Variants in NOTCH2NLC observed in about 807,000 individuals in gnomAD.
NOTCH2NLC encodes notch 2 N-terminal like C, also known as notch homolog 2 N-terminal-like protein C.
A neutral mutation model predicts 17.7 loss-of-function variants in NOTCH2NLC; 4 were observed. The ratio of observed to expected loss-of-function variants is 0.23; its 90% CI spans 0.11 to 0.52. NOTCH2NLC has a LOEUF of 0.52. Ranked by LOEUF, NOTCH2NLC falls within the 20% of genes least tolerant of loss-of-function variation. The pLI is 0.96. For missense variants in NOTCH2NLC, 57 were observed against 207.2 expected (o/e 0.28, Z 4.45); for synonymous variants, 18 against 86.0 (o/e 0.21, Z 4.38).
chr1:149,394,383 A>G (rs1329819493), intron 1 of NOTCH2NLC, among the ~76,000 whole-genome samples: 1 of 151,194 alleles, frequency 6.6e-6, no homozygotes, highest in Non-Finnish European at 1.5e-5. Context: ...TCCAGTGTTT[A>G]ACACTTCTGA....
At chr1:149,414,559 G>C (rs1191761670) in intron 1 of NOTCH2NLC, among the ~76,000 whole-genome samples, 1,974 of 150,656 alleles carry the variant, frequency 0.013, 48 homozygotes, top group South Asian at 0.026. Context: ...AGCATGAACG[G>C]TTCCTCAAGT....
chr1:149,437,094 G>A (rs1399525127), intron 2 of NOTCH2NLC, among the ~76,000 whole-genome samples: 3 of 133,574 alleles, frequency 2.2e-5, no homozygotes, highest in African/African-American at 5.7e-5. Context: ...TCATTAACTT[G>A]GGCTTCTTAG....
At chr1:149,458,167 GAAATA>G (rs2084623893) in intron 3 of NOTCH2NLC, among the ~76,000 whole-genome samples, 3 of 110,934 alleles carry the variant, frequency 2.7e-5, no homozygotes, top group African/African-American at 9.2e-5. Flanking sequence ...AAGGAGAAAG[GAAATA>G]AAATGAAGAT....
intron 1 of NOTCH2NLC, among the ~76,000 whole-genome samples, chr1:149,398,706 G>A (rs1291943373): frequency 2.0e-5 from 3 of 151,086 alleles, no homozygotes; most frequent in Admixed American, 6.6e-5. Flanking sequence ...ATGGTACCCC[G>A]GGTCCTCTGG....
Position 149,454,524 on chromosome 1 carries a change from AT to A in NOTCH2NLC, c.210-793del, listed in dbSNP as rs1422587445. Among the ~76,000 whole-genome samples, 12 of 148,496 alleles carry A rather than the reference AT, an allele frequency of 8.1e-5. 1 individual carries two copies. Among genetic ancestry groups the A allele is most frequent in the Non-Finnish European group, 1.3e-4 (9 of 66,728 alleles). ...TCCTCAGTGCCTCAATGTGGAAAAT[AT>A]CATAGAATGTTATTCTTCAATTGAT... On this transcript the variant is annotated intron_variant, in intron 2 of 4. Transcript: ENST00000650865.
chr1:149,424,268 A>G (rs1170144737), intron 1 of NOTCH2NLC, among the ~76,000 whole-genome samples: 2 of 151,332 alleles, frequency 1.3e-5, no homozygotes, highest in Admixed American at 1.3e-4. Flanking sequence ...CTAAACATCA[A>G]GGGTTCCTAT....
chr1:149,395,611 C>A lies in NOTCH2NLC; in HGVS notation c.135+4689C>A, dbSNP rs1471304514. Among the ~76,000 whole-genome samples the A allele has an allele frequency of 2.7e-5, 4 of 148,798 alleles. 1 individual carries two copies. Among genetic ancestry groups the A allele is most frequent in the African/African-American group, 9.9e-5 (4 of 40,452 alleles). The stretch of plus-strand genomic sequence containing the variant: ...TACTGTATTACTAGGCCAGCAATTT[C>A]TGTTATTTTGTCCAGAATAGCCACA... On this transcript the variant is annotated intron_variant, in intron 1 of 4. Transcript: ENST00000650865.
intron 1 of NOTCH2NLC, among the ~76,000 whole-genome samples, chr1:149,411,481 CTTTG>C (rs2084298247): frequency 7.4e-6 from 1 of 135,812 alleles, no homozygotes; most frequent in Non-Finnish European, 1.6e-5. Context: ...AGCAAAACCC[CTTTG>C]TTTGTAGAAT....
rs2084641967 is a variant in NOTCH2NLC, at chr1:149,460,860, TTTCTTTCTTTCTTTC to T, written c.470-2628_470-2614del. On this transcript the variant is annotated intron_variant, in intron 3 of 4. Transcript: ENST00000650865. ...GATTCTTTCTTTCTTTCTCCCTTTC[TTTCTTTCTTTCTTTC>T]TTTCTTTCTTTCTTTCTTTCTTTCT... Among the ~76,000 whole-genome samples, 2 of 2,694 alleles carry T rather than the reference TTTCTTTCTTTCTTTC, an allele frequency of 7.4e-4. 1 individual carries two copies. Among genetic ancestry groups the T allele is most frequent in the Non-Finnish European group, 1.8e-3 (2 of 1,124 alleles). The allele number at this position is 2,694 out of a possible 152,430, so 1.8% of individuals were successfully genotyped here. A position where few individuals can be genotyped will look rare whatever the true frequency, so the allele number is the denominator to read the frequency against.
chr1:149,420,168 C>G (rs1358439928), intron 1 of NOTCH2NLC, among the ~76,000 whole-genome samples: 1 of 150,204 alleles, frequency 6.7e-6, no homozygotes, highest in African/African-American at 2.4e-5. Context: ...CCGTGCCTGG[C>G]CGTTTAGGGC....
intron 1 of NOTCH2NLC, among the ~76,000 whole-genome samples, chr1:149,391,725 A>ATTTGC (rs1188628567): frequency 7.1e-6 from 1 of 141,724 alleles, no homozygotes; most frequent in Admixed American, 7.0e-5. Context: ...TGGCAGCAGC[A>ATTTGC]TTTGCTGCTC....
At position 149,418,975 on chromosome 1, in the gene NOTCH2NLC, TTCTC is replaced by T. The variant is rs1207363637; in HGVS notation, c.136-11960_136-11957del. The stretch of plus-strand genomic sequence containing the variant: ...TTTCTTTCCTTTTCTTTCCTTTCCT[TTCTC>T]TCTCTCCTTTCTTTCTTTTGCTTCC... On this transcript the variant is annotated intron_variant, in intron 1 of 4. Coordinates refer to ENST00000650865, the MANE Select transcript of NOTCH2NLC (RefSeq NM_001364013.2). Among the ~76,000 whole-genome samples, 17 of 150,936 alleles carry T rather than the reference TTCTC, an allele frequency of 1.1e-4. No individual in the cohort carries two copies. The East Asian group carries it at 1.2e-3, about 10-fold the overall frequency.
chr1:149,449,283 A>C (rs1391195506), intron 2 of NOTCH2NLC, among the ~76,000 whole-genome samples: 3 of 150,704 alleles, frequency 2.0e-5, no homozygotes, highest in Non-Finnish European at 4.4e-5. Context: ...AATAGCTATC[A>C]AATGCTTAGC....
At chr1:149,445,743 C>CT (rs1189495356) in intron 2 of NOTCH2NLC, among the ~76,000 whole-genome samples, 2 of 149,160 alleles carry the variant, frequency 1.3e-5, no homozygotes, top group Admixed American at 6.7e-5. Context: ...CCACATGAGA[C>CT]TTTTTTTTCC....
intron 1 of NOTCH2NLC, among the ~76,000 whole-genome samples, chr1:149,424,431 A>G (rs1303789487): frequency 9.3e-5 from 14 of 150,562 alleles, no homozygotes; most frequent in African/African-American, 3.4e-4. Context: ...CCAACTTCTC[A>G]TTAGATTGTA....
intron 3 of NOTCH2NLC, among the ~76,000 whole-genome samples, chr1:149,457,683 G>T (rs1186148218): frequency 1.4e-5 from 2 of 148,018 alleles, no homozygotes; most frequent in Non-Finnish European, 3.0e-5. Context: ...ATATTTGAGG[G>T]CAGGAAACAT....
chr1:149,445,901 TAAAAA>T (rs1182076544), intron 2 of NOTCH2NLC, among the ~76,000 whole-genome samples: 13 of 72,618 alleles, frequency 1.8e-4, no homozygotes, highest in African/African-American at 4.9e-4. Flanking sequence ...ATCCTCGTTT[TAAAAA>T]AAAAAAAAAA....
intron 2 of NOTCH2NLC, among the ~76,000 whole-genome samples, chr1:149,443,521 G>C (rs2084532704): frequency 1.3e-5 from 2 of 149,914 alleles, no homozygotes; most frequent in African/African-American, 4.9e-5. Flanking sequence ...AGTAACACAG[G>C]CTCAGGGTTA....
At chr1:149,462,539 G>A (rs2084656015) in intron 3 of NOTCH2NLC, among the ~76,000 whole-genome samples, 1 of 136,596 alleles carries the variant, frequency 7.3e-6, no homozygotes, top group East Asian at 2.1e-4. Flanking sequence ...ACATTTAGAG[G>A]AAACAGAAGT....
Sources: allele counts gnomAD v4.1 joint callset (sites outside exome capture counted in the v4.1 genomes callset), GRCh38; gene constraint gnomAD v4.1.1; transcripts MANE v1.5; gene names NCBI Gene and HGNC (gene_info 2026-07-23, HGNC 2026-07-21).